ARHGEF9: variants seen among roughly 807,000 people sequenced by gnomAD.
ARHGEF9 encodes the protein Cdc42 guanine nucleotide exchange factor 9, also known as rho guanine nucleotide exchange factor 9.
Under a neutral mutation model 41.3 loss-of-function variants are expected in ARHGEF9, and 2 were observed. That is an observed-to-expected ratio of 0.05 (90% confidence interval 0.02 to 0.15). The LOEUF (loss-of-function observed/expected upper bound fraction) is 0.15. ARHGEF9 is among the 10% of genes least tolerant of loss of function. ARHGEF9 has a pLI of 1.00. For synonymous variants in ARHGEF9, 160 were observed against 154.4 expected (o/e 1.04, Z -0.27); for missense variants, 225 against 424.7 (o/e 0.53, Z 4.13).
Position 63,638,524 on chromosome X carries a change from T to A in ARHGEF9, c.1391-315A>T, listed in dbSNP as rs1303631349. ...GTTATACCCAAGGTCACATGGTAAG[T>A]TAGCGACAAAGCAAGGGTTAGAACC... On this transcript the variant is annotated intron_variant, in intron 9 of 9. Transcript: ENST00000671741. 7.2e-5 allele frequency: 28 copies of A among 390,192 alleles called. No individual in the cohort carries two copies. The Admixed American group carries it at 9.2e-4, about 13-fold the overall frequency. 32.2% of individuals were successfully genotyped at this position (390,192 alleles called of 1,213,427 possible).
chrX:63,653,315 C>G (rs1417789903), intron 8 of ARHGEF9, among the ~76,000 whole-genome samples: 3 of 111,604 alleles, frequency 2.7e-5, no homozygotes, highest in Non-Finnish European at 5.6e-5. Context: ...CTGTAGATGA[C>G]AGCTTTGGCC....
chrX:63,749,245 T>C (rs1389630411), intron 1 of ARHGEF9, among the ~76,000 whole-genome samples: 1 of 111,879 alleles, frequency 8.9e-6, no homozygotes, highest in Non-Finnish European at 1.9e-5. Flanking sequence ...TCTTTCTTTT[T>C]TTTTGGGACG....
chrX:63,709,773 C>T (rs1369650712), intron 2 of ARHGEF9, among the ~76,000 whole-genome samples: 3 of 111,325 alleles, frequency 2.7e-5, no homozygotes, highest in Admixed American at 9.5e-5. Context: ...ATTTTCCGTC[C>T]ACAAATATTC....
chrX:63,740,041 C>T (rs1324616873), intron 1 of ARHGEF9, among the ~76,000 whole-genome samples: 2 of 111,736 alleles, frequency 1.8e-5, no homozygotes, highest in African/African-American at 6.5e-5. Flanking sequence ...TCTCTTAGAG[C>T]CAGAGCTGGC....
intron 1 of ARHGEF9, chrX:63,755,253 G>C: frequency 1.1e-6 from 1 of 934,109 alleles, no homozygotes; most frequent in Non-Finnish European, 1.3e-6. Flanking sequence ...CGCTGCCCAG[G>C]GGCGGGACTT....
In ARHGEF9 at chrX:63,678,586, A is replaced by G. The variant is rs1166571176; in HGVS notation, c.583-14T>C. On this transcript the variant is annotated splice_polypyrimidine_tract_variant and intron_variant, in intron 4 of 9. Transcript: ENST00000671741. ...GAATCCATCTTGCTGTGGGAAAAGAAAAAAAGGAAAGGAAAAGTCTACCAA... is the reference window on the plus strand; with the variant it reads ...GAATCCATCTTGCTGTGGGAAAAGAGAAAAAGGAAAGGAAAAGTCTACCAA... 2.6e-6 allele frequency: 3 copies of G among 1,148,854 alleles called. No individual in the cohort carries two copies. In the African/African-American group the frequency reaches 5.4e-5, roughly 20 times the overall value. The allele number at this position is 1,148,854 out of a possible 1,213,427, so 94.7% of individuals were successfully genotyped here. A position where few individuals can be genotyped will look rare whatever the true frequency, so the allele number is the denominator to read the frequency against.
chrX:63,638,989 G>T (rs1251231834), intron 9 of ARHGEF9, among the ~76,000 whole-genome samples: 1 of 112,091 alleles, frequency 8.9e-6, no homozygotes, highest in Non-Finnish European at 1.9e-5. Context: ...ATTAATGGAG[G>T]ATTCCAGGAA....
chrX:63,688,379 T>C (rs2051120760), intron 4 of ARHGEF9, among the ~76,000 whole-genome samples: 1 of 112,079 alleles, frequency 8.9e-6, no homozygotes. Flanking sequence ...CTGAAGCCAG[T>C]TGTTCAATCT....
intron 5 of ARHGEF9, among the ~76,000 whole-genome samples, chrX:63,675,716 C>T (rs1252261096): frequency 8.9e-6 from 1 of 111,842 alleles, no homozygotes; most frequent in Non-Finnish European, 1.9e-5. Flanking sequence ...TAACCCTTGG[C>T]CCCACATCCT....
intron 4 of ARHGEF9, among the ~76,000 whole-genome samples, chrX:63,687,885 C>T (rs1312519336): frequency 1.8e-5 from 2 of 109,786 alleles, no homozygotes; most frequent in African/African-American, 3.3e-5. Flanking sequence ...AAGAGCAAGT[C>T]AAAGGGTCAT....
At chrX:63,751,783 CTG>C (rs1340633137) in intron 1 of ARHGEF9, among the ~76,000 whole-genome samples, 1 of 110,968 alleles carries the variant, frequency 9.0e-6, no homozygotes, top group Admixed American at 9.5e-5. Flanking sequence ...GAACTCAATA[CTG>C]TCTTTCTTCA....
chrX:63,757,481 C>T (rs1404647302), intron 1 of ARHGEF9, among the ~76,000 whole-genome samples: 1 of 111,675 alleles, frequency 9.0e-6, no homozygotes, highest in Non-Finnish European at 1.9e-5. Context: ...TCCCCTGAGT[C>T]CTTTGTCTCC....
chrX:63,674,550 G>C (rs1174085278), intron 5 of ARHGEF9, among the ~76,000 whole-genome samples: 1 of 111,666 alleles, frequency 9.0e-6, no homozygotes, highest in Non-Finnish European at 1.9e-5. Flanking sequence ...TTCAGGGTGG[G>C]AGACTTTATC....
At position 63,766,991 on chromosome X, in the gene ARHGEF9, C is replaced by A. The variant is rs181584866; in HGVS notation, c.30+18125G>T. 21 of 653,510 alleles carry A rather than the reference C, an allele frequency of 3.2e-5. No homozygotes were observed. The East Asian group carries it at 6.3e-4, about 20-fold the overall frequency. The allele number at this position is 653,510 out of a possible 1,213,427, so 53.9% of individuals were successfully genotyped here. A position where few individuals can be genotyped will look rare whatever the true frequency, so the allele number is the denominator to read the frequency against. On this transcript the variant is annotated intron_variant, in intron 1 of 9. Transcript: ENST00000671741. Reference sequence around the variant, plus strand: ...CAGCAGATGATTAAAAACTTCAGTTCTCCTTAAAGAAGTTAGAGGTAAACA... The same window carrying A: ...CAGCAGATGATTAAAAACTTCAGTTATCCTTAAAGAAGTTAGAGGTAAACA...
intron 3 of ARHGEF9, among the ~76,000 whole-genome samples, chrX:63,706,054 A>G (rs782288384): frequency 8.9e-6 from 1 of 111,771 alleles, no homozygotes; most frequent in East Asian, 2.8e-4. Flanking sequence ...AAAACTAGAC[A>G]GAGAGAAAAA....
intron 1 of ARHGEF9, among the ~76,000 whole-genome samples, chrX:63,739,679 A>G (rs1450443535): frequency 9.0e-6 from 1 of 111,679 alleles, no homozygotes; most frequent in Non-Finnish European, 1.9e-5. Flanking sequence ...ATAATGCCTT[A>G]AAAGAACGGT....
At chrX:63,651,309 A>G (rs1373641124) in intron 8 of ARHGEF9, among the ~76,000 whole-genome samples, 2 of 111,489 alleles carry the variant, frequency 1.8e-5, no homozygotes, top group Non-Finnish European at 3.8e-5. Context: ...AATTGATTGT[A>G]CCAGGCATTA....
At chrX:63,765,699 C>T (rs1556451539) in intron 1 of ARHGEF9, among the ~76,000 whole-genome samples, 2 of 111,503 alleles carry the variant, frequency 1.8e-5, no homozygotes, top group Non-Finnish European at 3.8e-5. Context: ...GACCCAGTTC[C>T]GGGAAAAGTG....
intron 2 of ARHGEF9, 148 bp downstream of exon 2, chrX:63,724,384 T>A: frequency 3.3e-6 from 2 of 611,206 alleles, no homozygotes; most frequent in Non-Finnish European, 5.0e-6. Flanking sequence ...AAGCCCAGGT[T>A]CTCTGTATGA....
Sources: allele counts gnomAD v4.1 joint callset (sites outside exome capture counted in the v4.1 genomes callset), GRCh38; gene constraint gnomAD v4.1.1; transcripts MANE v1.5; gene names NCBI Gene and HGNC (gene_info 2026-07-23, HGNC 2026-07-21).